The following EIF3H variants were observed in gnomAD, a reference collection of about 807,000 sequenced individuals.
The protein encoded by EIF3H is eukaryotic translation initiation factor 3 subunit H.
In EIF3H, 26 loss-of-function variants were observed where a neutral mutation model predicts 44.2. That is an observed-to-expected ratio of 0.59 (90% CI 0.43 to 0.82). The LOEUF is 0.82. Among genes scored for constraint, EIF3H ranks in the 40% least tolerant of loss-of-function variants. EIF3H has a pLI of 0.00. For synonymous variants in EIF3H, 166 were observed against 151.9 expected, an observed-to-expected ratio of 1.09 and a Z score of -0.68; for missense variants, 359 against 432.8, an observed-to-expected ratio of 0.83 and a Z score of 1.51.
intron 2 of EIF3H, among the ~76,000 whole-genome samples, chr8:116,700,618 G>C (rs954975477): frequency 6.6e-6 from 1 of 152,080 alleles, no homozygotes; most frequent in Non-Finnish European, 1.5e-5. Context: ...TGCAAGTATG[G>C]CTTACTGTTC....
At chr8:116,722,828 A>T (rs79175320) in intron 2 of EIF3H, among the ~76,000 whole-genome samples, 17,705 of 152,242 alleles carry the variant, frequency 0.12, 1,341 homozygotes, top group East Asian at 0.42. Context: ...TCAGTTTTCC[A>T]ATCTGTAAAA....
intron 2 of EIF3H, among the ~76,000 whole-genome samples, chr8:116,674,254 A>C (rs1388128420): frequency 6.8e-6 from 1 of 146,074 alleles, no homozygotes; most frequent in East Asian, 2.1e-4. Context: ...CTAAGACATC[A>C]TATATTAACA....
intron 2 of EIF3H, among the ~76,000 whole-genome samples, chr8:116,725,073 T>C (rs540997549): frequency 2.6e-5 from 4 of 152,328 alleles, no homozygotes; most frequent in South Asian, 2.1e-4. Flanking sequence ...ATGTGGTATA[T>C]ACAGATGATG....
intron 2 of EIF3H, among the ~76,000 whole-genome samples, chr8:116,709,495 G>A (rs923897805): frequency 2.6e-5 from 4 of 152,098 alleles, no homozygotes; most frequent in Admixed American, 6.6e-5. Flanking sequence ...CCATATGCAC[G>A]TATGCAAAAA....
rs752947690 is a variant in EIF3H at position 116,645,015 on chromosome 8, G to A, written c.1050C>T (p.Tyr350=). 3.1e-6 allele frequency: 5 copies of A among 1,613,578 alleles called. No individual in the cohort carries two copies. In the South Asian group the frequency reaches 5.5e-5, roughly 18 times the overall value. ...TGGAAACTTCCTTTTCTTAGTTGTTGTATTCTTGAAGAGCCTGGGCCATGA... is the reference window on the plus strand; with the variant it reads ...TGGAAACTTCCTTTTCTTAGTTGTTATATTCTTGAAGAGCCTGGGCCATGA... ...KLFMAQALQE[Y]NN is the part of the protein sequence containing the mutation. Residue 350 remains tyrosine, a synonymous_variant, in exon 8 of 8, where the codon TAC becomes TAT. Transcript: ENST00000521861.
intron 2 of EIF3H, among the ~76,000 whole-genome samples, chr8:116,709,906 G>C (rs1814545153): frequency 6.6e-6 from 1 of 152,164 alleles, no homozygotes; most frequent in African/African-American, 2.4e-5. Flanking sequence ...ATAGGTACCA[G>C]GACATTGAAA....
At chr8:116,710,510 A>G (rs1310711610) in intron 2 of EIF3H, among the ~76,000 whole-genome samples, 1 of 152,160 alleles carries the variant, frequency 6.6e-6, no homozygotes, top group Non-Finnish European at 1.5e-5. Flanking sequence ...TTTTTATTTA[A>G]TATAATACCT....
intron 2 of EIF3H, among the ~76,000 whole-genome samples, chr8:116,716,700 C>G (rs1586473200): frequency 6.6e-6 from 1 of 152,170 alleles, no homozygotes; most frequent in South Asian, 2.1e-4. Flanking sequence ...GCCACAACTA[C>G]TCAACTGTGC....
chr8:116,648,932 A>ATT lies in EIF3H; in HGVS notation c.708-7_708-6insAA. 6.2e-7 allele frequency: 1 copy of ATT among 1,609,766 alleles called. No homozygotes were observed. Among genetic ancestry groups the ATT allele is most frequent in the South Asian group, 1.1e-5 (1 of 90,424 alleles). On this transcript the variant is annotated splice_region_variant and splice_polypyrimidine_tract_variant and intron_variant, in intron 5 of 7. Transcript: ENST00000521861. ...GATTCTTCCCCAAATGATTGCTGAA[A>ATT]TGTAAAGTAAATATACTGACAAGTC...
At chr8:116,751,074 T>C (rs1354733132) in intron 1 of EIF3H, among the ~76,000 whole-genome samples, 1 of 151,370 alleles carries the variant, frequency 6.6e-6, no homozygotes, top group African/African-American at 2.4e-5. Context: ...TAGCCGGGCG[T>C]AGTGGCAGGC....
At chr8:116,671,968 C>T (rs913012851) in intron 2 of EIF3H, among the ~76,000 whole-genome samples, 10 of 152,136 alleles carry the variant, frequency 6.6e-5, no homozygotes, top group African/African-American at 1.9e-4. Context: ...GAAAAACCTC[C>T]GCAAAACCTA....
intron 2 of EIF3H, chr8:116,697,170 C>T (rs1259467677): frequency 4.4e-6 from 2 of 456,258 alleles, no homozygotes; most frequent in South Asian, 1.5e-5. Flanking sequence ...AAACCTGTGC[C>T]TCTTCTCCTG....
In EIF3H at chr8:116,643,381, A is replaced by C. The variant is rs1343939720; in HGVS notation, c.*1625T>G. 6.6e-6 allele frequency: 1 copy of C among 152,220 alleles called. No homozygotes were observed. Among genetic ancestry groups the C allele is most frequent in the East Asian group, 1.9e-4 (1 of 5,200 alleles). The allele number at this position is 152,220 out of a possible 1,614,324, so 9.4% of individuals were successfully genotyped here. On this transcript the variant is annotated 3_prime_UTR_variant, in exon 8 of 8. Transcript: ENST00000521861. ...ATATCAAAGATTATCCTAAAGAAATAATTATATATGTGAGCAAGTACTTGG... is the reference window on the plus strand; with the variant it reads ...ATATCAAAGATTATCCTAAAGAAATCATTATATATGTGAGCAAGTACTTGG...
At chr8:116,708,693 A>C (rs1814513714) in intron 2 of EIF3H, among the ~76,000 whole-genome samples, 1 of 152,120 alleles carries the variant, frequency 6.6e-6, no homozygotes, top group Non-Finnish European at 1.5e-5. Context: ...TACCAGCTGA[A>C]GGGAAACTGA....
chr8:116,708,483 G>A (rs1001514665), intron 2 of EIF3H, among the ~76,000 whole-genome samples: 2 of 151,898 alleles, frequency 1.3e-5, no homozygotes, highest in Non-Finnish European at 2.9e-5. Flanking sequence ...TAGAAAATTA[G>A]TAAAAGTGCT....
intron 2 of EIF3H, among the ~76,000 whole-genome samples, chr8:116,663,737 C>G (rs1380633499): frequency 6.6e-6 from 1 of 151,966 alleles, no homozygotes; most frequent in South Asian, 2.1e-4. Flanking sequence ...TCGAAACCAG[C>G]CTGGCCGACA....
chr8:116,662,018 T>C (rs1453053919), intron 2 of EIF3H, among the ~76,000 whole-genome samples: 1 of 152,178 alleles, frequency 6.6e-6, no homozygotes, highest in Non-Finnish European at 1.5e-5. Context: ...GTTTAGAATA[T>C]GACATAAAAG....
chr8:116,752,733 A>AAAGAAGGAAGAG (rs1563663056), intron 1 of EIF3H, among the ~76,000 whole-genome samples: 1 of 124,440 alleles, frequency 8.0e-6, no homozygotes, highest in African/African-American at 2.9e-5. Flanking sequence ...AGAAAGAAAG[A>AAAGAAGGAAGAG]AGAGAAAGAA....
At chr8:116,719,959 T>C (rs1446210986) in intron 2 of EIF3H, among the ~76,000 whole-genome samples, 1 of 152,160 alleles carries the variant, frequency 6.6e-6, no homozygotes, top group Non-Finnish European at 1.5e-5. Flanking sequence ...AGAAAAACCA[T>C]GGTATTTGGA....
Sources: gnomAD v4.1 joint callset for allele counts (sites outside exome capture counted in the v4.1 genomes callset) on GRCh38, gnomAD v4.1.1 for gene constraint, MANE v1.5 for transcripts, NCBI Gene and HGNC (gene_info 2026-07-23, HGNC 2026-07-21) for gene names.